Variants in MCF2L2 observed in about 807,000 individuals in gnomAD.
MCF2L2 encodes MCF.2 cell line derived transforming sequence-like 2.
In MCF2L2, 102 loss-of-function variants were observed where a neutral mutation model predicts 150.2. That is an observed-to-expected ratio of 0.68 (90% CI 0.58 to 0.80). The LOEUF (loss-of-function observed/expected upper bound fraction) is 0.80. Ranked by LOEUF, MCF2L2 falls within the 30% of genes least tolerant of loss-of-function variation. The probability of loss-of-function intolerance (pLI) is 0.00; values close to 1 mark genes in which losing one functional copy is unlikely to be tolerated. For synonymous variants in MCF2L2, 465 were observed against 491.3 expected (o/e 0.95, Z 0.71); for missense variants, 1,256 against 1,372.8 (o/e 0.91, Z 1.34).
chr3:183,325,772 C>T (rs1729999039), intron 5 of MCF2L2, among the ~76,000 whole-genome samples: 1 of 152,128 alleles, frequency 6.6e-6, no homozygotes, highest in East Asian at 1.9e-4. Flanking sequence ...TGTGATATCC[C>T]ACACTTGCCA....
intron 18 of MCF2L2, chr3:183,224,937 G>A (rs1202776033): frequency 2.0e-5 from 3 of 152,376 alleles, no homozygotes; most frequent in African/African-American, 7.2e-5. Context: ...CACACTCCAA[G>A]CCTCTGGCGT....
At chr3:183,264,784 G>A (rs1179629209) in intron 15 of MCF2L2, among the ~76,000 whole-genome samples, 1 of 152,212 alleles carries the variant, frequency 6.6e-6, no homozygotes, top group Non-Finnish European at 1.5e-5. Context: ...GCCTTTGGGT[G>A]TTCTAACTAG....
Position 183,426,326 on chromosome 3 carries a change from G to A in MCF2L2, c.76+1576C>T, listed in dbSNP as rs151334632. Reference sequence around the variant, plus strand: ...TTAAAATCATCCAGGTCAACCCCTCGTTTAACAGATGGGAGGCTTCGCCCT... The same window carrying A: ...TTAAAATCATCCAGGTCAACCCCTCATTTAACAGATGGGAGGCTTCGCCCT... On this transcript the variant is annotated intron_variant, in intron 1 of 29. Transcript: ENST00000328913. Among the ~76,000 whole-genome samples the A allele has an allele frequency of 4.1e-3, 629 of 152,272 alleles. 1 individual carries two copies. Among genetic ancestry groups the A allele is most frequent in the Non-Finnish European group, 7.1e-3 (480 of 68,008 alleles).
intron 3 of MCF2L2, among the ~76,000 whole-genome samples, chr3:183,363,320 T>C (rs1712327046): frequency 6.6e-6 from 1 of 152,138 alleles, no homozygotes; most frequent in South Asian, 2.1e-4. Context: ...TCTTTAGTAT[T>C]TACCCAAATG....
chr3:183,341,063 G>A (rs749570738), intron 4 of MCF2L2, among the ~76,000 whole-genome samples: 1 of 152,212 alleles, frequency 6.6e-6, no homozygotes, highest in African/African-American at 2.4e-5. Flanking sequence ...CAGGAAGCAC[G>A]AATGAGGGAG....
rs116181806 is a variant in MCF2L2 at position 183,221,105 on chromosome 3, A to G, written c.2302-1181T>C. Among the ~76,000 whole-genome samples, 157 of 152,310 alleles carry G rather than the reference A, an allele frequency of 1.0e-3. 1 individual carries two copies. The highest frequency in any genetic ancestry group is 3.3e-3 in the African/African-American group (139 of 41,576). ...CCCCTGGGGATAGAGAAGGTCCTAG[A>G]TAGGATTACAAGGTCGTTCCTTTCT... On this transcript the variant is annotated intron_variant, in intron 20 of 29. Coordinates refer to ENST00000328913, the MANE Select transcript of MCF2L2 (RefSeq NM_015078.4).
intron 11 of MCF2L2, chr3:183,297,379 C>A (rs1728572699): frequency 3.9e-6 from 2 of 510,170 alleles, no homozygotes; most frequent in Non-Finnish European, 3.5e-6. Flanking sequence ...GTCCACTTCT[C>A]AGGGAAGTCA....
At chr3:183,407,364 T>C (rs1342180184) in intron 1 of MCF2L2, among the ~76,000 whole-genome samples, 2 of 152,226 alleles carry the variant, frequency 1.3e-5, no homozygotes, top group Non-Finnish European at 2.9e-5. Context: ...GTATCTCTTT[T>C]AGCTGATTCT....
chr3:183,201,188 T>C (rs1319076533), intron 25 of MCF2L2, among the ~76,000 whole-genome samples: 3 of 152,232 alleles, frequency 2.0e-5, no homozygotes, highest in Non-Finnish European at 4.4e-5. Context: ...TTGATGGGGA[T>C]GGCATTGAAT....
intron 5 of MCF2L2, among the ~76,000 whole-genome samples, chr3:183,338,447 C>CA (rs58920831): frequency 0.099 from 10,305 of 104,484 alleles, 722 homozygotes; most frequent in African/African-American, 0.22. Flanking sequence ...AACTCTATCT[C>CA]AAAAAAAAAA....
At chr3:183,427,633 C>CAA (rs1262374229) in intron 1 of MCF2L2, among the ~76,000 whole-genome samples, 1 of 152,130 alleles carries the variant, frequency 6.6e-6, no homozygotes, top group Non-Finnish European at 1.5e-5. Context: ...AACAGCCCAG[C>CAA]AGCCCTCGGT....
intron 5 of MCF2L2, among the ~76,000 whole-genome samples, chr3:183,337,483 G>GT (rs942754887): frequency 1.3e-5 from 2 of 150,780 alleles, no homozygotes; most frequent in Non-Finnish European, 2.9e-5. Context: ...AACCCAGGAG[G>GT]TGGAGGTTGC....
intron 22 of MCF2L2, among the ~76,000 whole-genome samples, chr3:183,211,179 C>T (rs953995550): frequency 2.0e-5 from 3 of 152,166 alleles, no homozygotes; most frequent in African/African-American, 7.2e-5. Context: ...GTGCACTTGA[C>T]ATATACAGGC....
rs1366116389 is a variant in MCF2L2, at chr3:183,267,979, C to A, written c.1862+8893G>T. On this transcript the variant is annotated intron_variant, in intron 15 of 29. Coordinates refer to ENST00000328913, the MANE Select transcript of MCF2L2 (RefSeq NM_015078.4). The surrounding 1 kb of genome is among the most constrained non-coding windows in gnomAD (Gnocchi z 5.5). ...GCTGAGTGTAGGGTGTCCACAACATCGTGCCTAAAAAGTCTCTGTATGGGG... is the reference window on the plus strand; with the variant it reads ...GCTGAGTGTAGGGTGTCCACAACATAGTGCCTAAAAAGTCTCTGTATGGGG... 6.6e-6 allele frequency among the ~76,000 whole-genome samples: 1 copy of A among 152,098 alleles called. No individual in the cohort carries two copies. The highest frequency in any genetic ancestry group is 6.5e-5 in the Admixed American group (1 of 15,274).
At chr3:183,326,423 C>T (rs962155745) in intron 5 of MCF2L2, among the ~76,000 whole-genome samples, 4 of 123,708 alleles carry the variant, frequency 3.2e-5, no homozygotes, top group Non-Finnish European at 6.3e-5. Context: ...ATTCAGGAGG[C>T]GGAGGTTGCA....
rs1378033691 is a variant in MCF2L2, at chr3:183,305,554, A to C, written c.1113+4162T>G. 6.6e-6 allele frequency among the ~76,000 whole-genome samples: 1 copy of C among 152,206 alleles called. No homozygotes were observed. Among genetic ancestry groups the C allele is most frequent in the Non-Finnish European group, 1.5e-5 (1 of 68,036 alleles). On this transcript the variant is annotated intron_variant, in intron 10 of 29. Transcript: ENST00000328913. This position sits in a 1 kb window ranked among gnomAD's most constrained non-coding sequence, Gnocchi z 4.1. Reference sequence around the variant, plus strand: ...AATGGGTCTAGGGAGAAACGCCCATAAAGGCAACTGAGGAGGCCGGGCGCA... The same window carrying C: ...AATGGGTCTAGGGAGAAACGCCCATCAAGGCAACTGAGGAGGCCGGGCGCA...
In MCF2L2 at chr3:183,405,458, T is replaced by C. The variant is rs184907261; in HGVS notation, c.77-15679A>G. On this transcript the variant is annotated intron_variant, in intron 1 of 29. Transcript: ENST00000328913. ...CACAATCAGGATACAATATAGTTGA[T>C]TGCCCCTGTGAGTCAAACCACTCAC... Among the ~76,000 whole-genome samples, 188 of 152,296 alleles carry C rather than the reference T, an allele frequency of 1.2e-3. No individual in the cohort carries two copies. The Middle Eastern group carries it at 0.024, about 19-fold the overall frequency.
chr3:183,195,063 G>A (rs963826230), intron 26 of MCF2L2, among the ~76,000 whole-genome samples, 159 bp downstream of exon 26: 4 of 152,150 alleles, frequency 2.6e-5, no homozygotes, highest in Non-Finnish European at 4.4e-5. Context: ...GATTACAGGC[G>A]TGAGCCACTG....
At chr3:183,232,542 T>A (rs1197296888) in intron 15 of MCF2L2, among the ~76,000 whole-genome samples, 2 of 152,338 alleles carry the variant, frequency 1.3e-5, no homozygotes, top group Admixed American at 1.3e-4. Context: ...TATACATGTG[T>A]CCTTGTGTAG....
Sources: allele counts gnomAD v4.1 joint callset (sites outside exome capture counted in the v4.1 genomes callset), GRCh38; gene constraint gnomAD v4.1.1; non-coding constraint Gnocchi (gnomAD v3.1); transcripts MANE v1.5; gene names NCBI Gene and HGNC (gene_info 2026-07-23, HGNC 2026-07-21).